EPM2A: variants seen among roughly 807,000 people sequenced by gnomAD.
EPM2A encodes laforin.
A neutral mutation model predicts 26.5 loss-of-function variants in EPM2A; 21 were observed. That is an observed-to-expected ratio of 0.79 (90% CI 0.56 to 1.14). The LOEUF (loss-of-function observed/expected upper bound fraction) is 1.14. Among genes scored for constraint, EPM2A ranks in the 50% most tolerant of loss-of-function variants. The pLI, the probability that EPM2A is intolerant of heterozygous loss-of-function variation, is 0.00. For synonymous variants in EPM2A, 217 were observed against 177.6 expected, an observed-to-expected ratio of 1.22 and a Z score of -1.76; for missense variants, 458 against 440.8, an observed-to-expected ratio of 1.04 and a Z score of -0.35.
chr6:145,463,738 T>G (rs191258746), intron 4 of EPM2A, among the ~76,000 whole-genome samples: 184 of 152,230 alleles, frequency 1.2e-3, no homozygotes, highest in African/African-American at 4.0e-3. Context: ...TTTAGGCAAG[T>G]GGGGCTTATT....
At position 145,626,112 on chromosome 6, in the gene EPM2A, G is replaced by A; in HGVS notation, c.*1304C>T. 9.6e-7 allele frequency: 1 copy of A among 1,036,404 alleles called. No individual in the cohort carries two copies. The highest frequency in any genetic ancestry group is 1.2e-6 in the Non-Finnish European group (1 of 861,820). The allele number at this position is 1,036,404 out of a possible 1,614,324, so 64.2% of individuals were successfully genotyped here. A position where few individuals can be genotyped will look rare whatever the true frequency, so the allele number is the denominator to read the frequency against. On this transcript the variant is annotated 3_prime_UTR_variant, in exon 4 of 4. Transcript: ENST00000367519. Reference sequence around the variant, plus strand: ...GATTATATATCACCTTGCACATAGAGGCTCTCAATTAAAAAAACACTTCTC... The same window carrying A: ...GATTATATATCACCTTGCACATAGAAGCTCTCAATTAAAAAAACACTTCTC...
At chr6:145,498,195 C>T (rs529816588), downstream of EPM2A, among the ~76,000 whole-genome samples, 21 of 152,376 alleles carry the variant, frequency 1.4e-4, no homozygotes, top group African/African-American at 4.8e-4. Context: ...TGGCCCACCC[C>T]TCCCGTCAGG....
chr6:145,637,119 G>A (rs927290331), intron 2 of EPM2A: 8 of 152,120 alleles, frequency 5.3e-5, no homozygotes, highest in Non-Finnish European at 1.2e-4. Context: ...AACCGTGGAT[G>A]CACAGTAAGT....
At chr6:145,603,385 AG>A (rs1781442098) in intron 2 of EPM2A, among the ~76,000 whole-genome samples, 1 of 152,072 alleles carries the variant, frequency 6.6e-6, no homozygotes, top group African/African-American at 2.4e-5. Context: ...TGAGCCCATC[AG>A]GTTCTTTTGT....
chr6:145,704,971 C>T (rs989889650), intron 1 of EPM2A, among the ~76,000 whole-genome samples: 2 of 152,150 alleles, frequency 1.3e-5, no homozygotes, highest in Admixed American at 1.3e-4. Context: ...TTACAAATTT[C>T]CAGGCACATA....
chr6:145,713,143 T>C (rs1415966404), intron 1 of EPM2A, among the ~76,000 whole-genome samples: 1 of 152,212 alleles, frequency 6.6e-6, no homozygotes, highest in East Asian at 1.9e-4. Flanking sequence ...TTTTCCTGAA[T>C]CTGAGATTTC....
chr6:145,563,924 C>T (rs1463251359), intron 2 of EPM2A, among the ~76,000 whole-genome samples: 2 of 152,154 alleles, frequency 1.3e-5, no homozygotes, highest in East Asian at 3.9e-4. Context: ...CCTGAGGAAT[C>T]GGTTCCAGGA....
chr6:145,499,187 A>T (rs559279565), downstream of EPM2A, among the ~76,000 whole-genome samples: 2 of 152,366 alleles, frequency 1.3e-5, no homozygotes, highest in African/African-American at 4.8e-5. Flanking sequence ...GAAGAAAAAA[A>T]TTAACATGGC....
intron 2 of EPM2A, among the ~76,000 whole-genome samples, chr6:145,566,070 T>G (rs1780880966): frequency 6.6e-6 from 1 of 152,164 alleles, no homozygotes; most frequent in African/African-American, 2.4e-5. Context: ...GTCAGCCTCT[T>G]CTTAGGTGAA....
intron 4 of EPM2A, among the ~76,000 whole-genome samples, chr6:145,399,948 G>A (rs960581046): frequency 6.6e-6 from 1 of 152,098 alleles, no homozygotes; most frequent in Non-Finnish European, 1.5e-5. Context: ...TAATCAAAAT[G>A]TTTATGTTCT....
chr6:145,396,281 G>T (rs1778404431), intron 4 of EPM2A, among the ~76,000 whole-genome samples: 1 of 152,024 alleles, frequency 6.6e-6, no homozygotes, highest in Admixed American at 6.6e-5. Context: ...TTCTTCCCGG[G>T]CTCCTTCCTC....
intron 2 of EPM2A, among the ~76,000 whole-genome samples, chr6:145,534,961 C>T (rs1028172963): frequency 2.0e-5 from 3 of 152,318 alleles, no homozygotes; most frequent in Admixed American, 1.3e-4. Context: ...GAATGCTTCA[C>T]TAACAGAGCA....
chr6:145,423,160 A>G (rs937168204), intron 4 of EPM2A, among the ~76,000 whole-genome samples: 22 of 152,066 alleles, frequency 1.4e-4, no homozygotes, highest in Middle Eastern at 6.8e-3. Flanking sequence ...ACTTCTCCAT[A>G]TTAATAATAT....
At chr6:145,420,584 A>G (rs969357123) in intron 4 of EPM2A, among the ~76,000 whole-genome samples, 2 of 152,168 alleles carry the variant, frequency 1.3e-5, no homozygotes, top group Non-Finnish European at 2.9e-5. Context: ...GTGAACATCC[A>G]CTTAGAAAAC....
At chr6:145,608,613 C>A (rs556111879) in intron 2 of EPM2A, among the ~76,000 whole-genome samples, 4 of 151,922 alleles carry the variant, frequency 2.6e-5, no homozygotes, top group African/African-American at 9.6e-5. Flanking sequence ...AAAAAAAAAT[C>A]ACAGTCAGTT....
At chr6:145,608,690 G>C (rs557972553) in intron 2 of EPM2A, among the ~76,000 whole-genome samples, 4 of 152,240 alleles carry the variant, frequency 2.6e-5, no homozygotes, top group Non-Finnish European at 5.9e-5. Flanking sequence ...TAAGTTTGCT[G>C]TATTTTCAAA....
At chr6:145,665,264 T>C (rs1779084630) in intron 2 of EPM2A, among the ~76,000 whole-genome samples, 1 of 35,928 alleles carries the variant, frequency 2.8e-5, no homozygotes, top group Admixed American at 3.9e-4. Flanking sequence ...GATAGACCGC[T>C]AGCAAGACTA....
intron 4 of EPM2A, among the ~76,000 whole-genome samples, chr6:145,387,739 A>G (rs1199267950): frequency 6.6e-6 from 1 of 152,154 alleles, no homozygotes; most frequent in Admixed American, 6.6e-5. Flanking sequence ...TGAAAAAAAT[A>G]TGGACCCAAA....
chr6:145,734,237 T>C (rs1362697314), intron 1 of EPM2A, among the ~76,000 whole-genome samples: 1 of 152,216 alleles, frequency 6.6e-6, no homozygotes, highest in Non-Finnish European at 1.5e-5. Flanking sequence ...TTTGTTGCCA[T>C]TTAAAATATA....
Sources: allele counts gnomAD v4.1 joint callset (sites outside exome capture counted in the v4.1 genomes callset), GRCh38; gene constraint gnomAD v4.1.1; transcripts MANE v1.5; gene names NCBI Gene and HGNC (gene_info 2026-07-23, HGNC 2026-07-21).